Variants in C12orf42 observed in about 807,000 individuals in gnomAD.
C12orf42 encodes uncharacterized protein C12orf42.
A neutral mutation model predicts 21.6 loss-of-function variants in C12orf42; 25 were observed. The observed-to-expected ratio is 1.16, with a 90% CI of 0.84 to 1.62. The LOEUF (loss-of-function observed/expected upper bound fraction) is 1.62. Ranked by LOEUF, C12orf42 falls within the 40% of genes most tolerant of loss-of-function variation. C12orf42 has a pLI of 0.00. For missense variants in C12orf42, 483 were observed against 459.3 expected (o/e 1.05, Z -0.47); for synonymous variants, 174 against 175.0 (o/e 0.99, Z 0.05).
chr12:103,121,238 A>T, the C12orf42 span, among the ~76,000 whole-genome samples: 52,090 of 152,044 alleles, frequency 0.34, 9,382 homozygotes, highest in East Asian at 0.48. Context: ...AAAAATAATC[A>T]GTTATTGAAC....
chr12:103,349,734 A>G (rs1393923089), intron 4 of C12orf42, among the ~76,000 whole-genome samples: 1 of 152,186 alleles, frequency 6.6e-6, no homozygotes, highest in Admixed American at 6.5e-5. Flanking sequence ...AACACTAAAT[A>G]ACTTTACTTC....
intron 2 of C12orf42, among the ~76,000 whole-genome samples, chr12:103,419,699 T>C (rs2049695533): frequency 6.6e-6 from 1 of 152,210 alleles, no homozygotes; most frequent in Non-Finnish European, 1.5e-5. Flanking sequence ...CTAAACCTGA[T>C]TTCCCCAGCT....
At chr12:103,286,044 C>A (rs1181647452) in intron 4 of C12orf42, among the ~76,000 whole-genome samples, 1 of 151,890 alleles carries the variant, frequency 6.6e-6, no homozygotes, top group African/African-American at 2.4e-5. Flanking sequence ...GTCAGGAGAT[C>A]GGGACCATTC....
chr12:103,563,272 A>C, the C12orf42 span, among the ~76,000 whole-genome samples: 1 of 152,304 alleles, frequency 6.6e-6, no homozygotes, highest in South Asian at 2.1e-4. Flanking sequence ...TCCTGGACTA[A>C]GCCCAGATGT....
chr12:103,173,571 A>G, the C12orf42 span, among the ~76,000 whole-genome samples: 2 of 152,008 alleles, frequency 1.3e-5, no homozygotes, highest in African/African-American at 4.8e-5. Flanking sequence ...TTTGTCTTTC[A>G]TTGTATCCTA....
chr12:103,298,605 C>T (rs2037455501), downstream of C12orf42, among the ~76,000 whole-genome samples: 1 of 152,120 alleles, frequency 6.6e-6, no homozygotes, highest in Admixed American at 6.6e-5. Context: ...GAAAAAACTA[C>T]CATAATCCCA....
At chr12:103,217,465 G>A in the C12orf42 span, among the ~76,000 whole-genome samples, 2 of 151,298 alleles carry the variant, frequency 1.3e-5, no homozygotes, top group Non-Finnish European at 2.9e-5. Context: ...AGAGGTCGAG[G>A]CTGCAGTGGG....
the C12orf42 span, among the ~76,000 whole-genome samples, chr12:103,518,352 T>C: frequency 6.6e-6 from 1 of 152,168 alleles, no homozygotes; most frequent in Non-Finnish European, 1.5e-5. Context: ...TCTAGTGAAA[T>C]GTCACTACCA....
the C12orf42 span, among the ~76,000 whole-genome samples, chr12:103,138,112 T>G: frequency 6.6e-6 from 1 of 152,174 alleles, no homozygotes; most frequent in African/African-American, 2.4e-5. Context: ...GTCAGTACAT[T>G]TAACAAAATG....
At chr12:103,555,043 G>A in the C12orf42 span, among the ~76,000 whole-genome samples, 1 of 152,158 alleles carries the variant, frequency 6.6e-6, no homozygotes, top group Non-Finnish European at 1.5e-5. Context: ...GGAATCTCTG[G>A]AAAATAGCAG....
chr12:103,253,599 T>C (rs1200499806), intron 10 of C12orf42, among the ~76,000 whole-genome samples: 1 of 152,182 alleles, frequency 6.6e-6, no homozygotes, highest in Non-Finnish European at 1.5e-5. Context: ...ATGATTTGGC[T>C]CTCTGCTTGT....
chr12:103,222,516 C>G, the C12orf42 span, among the ~76,000 whole-genome samples: 1 of 152,174 alleles, frequency 6.6e-6, no homozygotes, highest in African/African-American at 2.4e-5. Context: ...TGGGCATACA[C>G]GTGCAAGTCA....
the C12orf42 span, among the ~76,000 whole-genome samples, chr12:103,158,055 A>C: frequency 6.6e-6 from 1 of 152,240 alleles, no homozygotes; most frequent in Non-Finnish European, 1.5e-5. Flanking sequence ...ATTAAGAAAC[A>C]ATAAAAAAGT....
chr12:103,377,660 T>G (rs1409809177), intron 3 of C12orf42, among the ~76,000 whole-genome samples: 1 of 152,100 alleles, frequency 6.6e-6, no homozygotes, highest in African/African-American at 2.4e-5. Context: ...GGCCCAACTC[T>G]GCAGGGTGAG....
At chr12:103,436,408 C>T (rs551755077) in intron 2 of C12orf42, among the ~76,000 whole-genome samples, 1 of 151,910 alleles carries the variant, frequency 6.6e-6, no homozygotes, top group East Asian at 1.9e-4. Flanking sequence ...AAAATATTAA[C>T]TTTAAATGTA....
chr12:103,254,926 T>C (rs1418775747), intron 10 of C12orf42, among the ~76,000 whole-genome samples: 1 of 152,144 alleles, frequency 6.6e-6, no homozygotes. Context: ...AAAATAGAAA[T>C]TAAAAATTTT....
intron 4 of C12orf42, among the ~76,000 whole-genome samples, chr12:103,339,517 A>C (rs1490776297): frequency 6.6e-6 from 1 of 152,222 alleles, no homozygotes; most frequent in African/African-American, 2.4e-5. Context: ...CATGTCCATA[A>C]AAAAGTGGAC....
downstream of C12orf42, among the ~76,000 whole-genome samples, chr12:103,298,428 A>G (rs1181344479): frequency 1.3e-5 from 2 of 152,246 alleles, no homozygotes; most frequent in African/African-American, 2.4e-5. Flanking sequence ...AAGGAGAACT[A>G]CAAACCACTG....
chr12:103,424,676 G>C (rs1420975080), intron 2 of C12orf42, among the ~76,000 whole-genome samples: 4 of 152,240 alleles, frequency 2.6e-5, no homozygotes, highest in Non-Finnish European at 5.9e-5. Flanking sequence ...GCAACCTGCA[G>C]ACCAGGAGAT....
Sources: gnomAD v4.1 joint callset for allele counts (sites outside exome capture counted in the v4.1 genomes callset) on GRCh38, gnomAD v4.1.1 for gene constraint, MANE v1.5 for transcripts, NCBI Gene and HGNC (gene_info 2026-07-23, HGNC 2026-07-21) for gene names.